MAP3K8: variants seen among roughly 807,000 people sequenced by gnomAD.
MAP3K8 encodes Ewing sarcoma transformant.
In MAP3K8, 22 loss-of-function variants were observed where a neutral mutation model predicts 45.8. That is an observed-to-expected ratio of 0.48 (90% CI 0.34 to 0.69). The LOEUF (loss-of-function observed/expected upper bound fraction) is 0.69. Among genes scored for constraint, MAP3K8 ranks in the 30% least tolerant of loss-of-function variants. MAP3K8 has a pLI of 0.01. For synonymous variants in MAP3K8, 223 were observed against 214.3 expected (o/e 1.04, Z -0.36); for missense variants, 419 against 585.0 (o/e 0.72, Z 2.93).
At chr10:30,446,886 C>A (rs1836359210) in intron 3 of MAP3K8, among the ~76,000 whole-genome samples, 1 of 151,902 alleles carries the variant, frequency 6.6e-6, no homozygotes, top group Admixed American at 6.6e-5. Flanking sequence ...CCTCTTAATT[C>A]TTGTTTTATT....
At chr10:30,456,263 T>C (rs1211195709) in intron 6 of MAP3K8, among the ~76,000 whole-genome samples, 1 of 152,264 alleles carries the variant, frequency 6.6e-6, no homozygotes, top group Non-Finnish European at 1.5e-5. Flanking sequence ...CAATACACTA[T>C]TGTTGACTAT....
At chr10:30,436,457 G>T (rs1287790220) in intron 1 of MAP3K8, among the ~76,000 whole-genome samples, 1 of 151,976 alleles carries the variant, frequency 6.6e-6, no homozygotes, top group Non-Finnish European at 1.5e-5. Flanking sequence ...CCACCTCCCG[G>T]GTCCTGCTTC....
intron 6 of MAP3K8, among the ~76,000 whole-genome samples, chr10:30,454,310 C>CA (rs1836659620): frequency 6.6e-6 from 1 of 152,088 alleles, no homozygotes; most frequent in African/African-American, 2.4e-5. Flanking sequence ...ATTGCAGCCA[C>CA]AAAAAAATTG....
chr10:30,441,504 T>C (rs937178253), intron 3 of MAP3K8, among the ~76,000 whole-genome samples: 2 of 152,178 alleles, frequency 1.3e-5, no homozygotes, highest in African/African-American at 4.8e-5. Flanking sequence ...GGCAGGGATC[T>C]TGAAAAACTT....
chr10:30,440,831 AAAATGAGT>A lies in MAP3K8; in HGVS notation c.336+1559_336+1566del, dbSNP rs147736015. On this transcript the variant is annotated intron_variant, in intron 3 of 8. Coordinates refer to ENST00000263056, the MANE Select transcript of MAP3K8 (RefSeq NM_005204.4). ...TTTTTAAAATCCTGCTCCTTCTATA[AAAATGAGT>A]ATTTTAAATGAAAATATGCAGAAAA... Among the ~76,000 whole-genome samples the A allele has an allele frequency of 3.5e-3, 532 of 152,336 alleles. 2 individuals are homozygous for A. The highest frequency in any genetic ancestry group is 0.014 in the Middle Eastern group (4 of 294).
chr10:30,459,148 C>T (rs1326111700), intron 7 of MAP3K8, 107 bp from the exon 8 acceptor site: 3 of 1,182,550 alleles, frequency 2.5e-6, no homozygotes, highest in East Asian at 4.7e-5. Flanking sequence ...CGTTGCAGGG[C>T]ATGTGGTGGA....
intron 3 of MAP3K8, among the ~76,000 whole-genome samples, chr10:30,445,687 A>G (rs911700259): frequency 6.6e-6 from 1 of 152,228 alleles, no homozygotes; most frequent in Non-Finnish European, 1.5e-5. Flanking sequence ...CATACAGGTT[A>G]TCTTTCAAAC....
At chr10:30,454,750 C>A (rs2489846) in intron 6 of MAP3K8, among the ~76,000 whole-genome samples, 128,578 of 149,812 alleles carry the variant, frequency 0.86, 55,058 homozygotes, top group East Asian at 0.94. Flanking sequence ...GGAAGCTGTA[C>A]TTTTTTTTTT....
chr10:30,443,102 T>TA (rs1433770377), intron 3 of MAP3K8, among the ~76,000 whole-genome samples: 1 of 152,094 alleles, frequency 6.6e-6, no homozygotes, highest in Non-Finnish European at 1.5e-5. Flanking sequence ...TATTGGCCAT[T>TA]AAAAAAAGTG....
At chr10:30,450,754 C>G (rs571979846) in intron 5 of MAP3K8, 1 of 507,914 alleles carries the variant, frequency 2.0e-6, no homozygotes, top group East Asian at 3.5e-5. Context: ...AGCTACATAC[C>G]TATTAGGTAC....
chr10:30,458,287 A>C, intron 7 of MAP3K8, 51 bp downstream of exon 7: 1 of 1,278,720 alleles, frequency 7.8e-7, no homozygotes, highest in East Asian at 2.8e-5. Context: ...GCGTTGAGTT[A>C]TGCATCCCGC....
chr10:30,447,827 C>G lies in MAP3K8; in HGVS notation c.382C>G (p.Leu128Val), dbSNP rs1462161246. 1 of 1,613,786 alleles carries G rather than the reference C, an allele frequency of 6.2e-7. No individual in the cohort carries two copies. The highest frequency in any genetic ancestry group is 8.5e-7 in the Non-Finnish European group (1 of 1,179,830). Reference protein sequence around the residue: ...NGRYQIDSDVLLIPWKLTYRN... With the variant: ...NGRYQIDSDVVLIPWKLTYRN... Reference sequence around the variant, plus strand: ...ACGTTACCAAATAGATTCCGATGTTCTCCTGATCCCCTGGAAGCTGACTTA... The same window carrying G: ...ACGTTACCAAATAGATTCCGATGTTGTCCTGATCCCCTGGAAGCTGACTTA... The change falls in exon 4 of 9, where the codon CTC (leucine) becomes GTC (valine). Residue 128 changes from leucine (L) to valine (V), a missense_variant. By Grantham distance (32) the Leu-to-Val change is conservative (BLOSUM62 1). Around this residue, in one of 3 missense-constraint regions of MAP3K8, gnomAD observed 209 missense variants for 367.3 expected, o/e 0.57. Coordinates refer to ENST00000263056, the MANE Select transcript of MAP3K8 (RefSeq NM_005204.4).
intron 3 of MAP3K8, among the ~76,000 whole-genome samples, chr10:30,444,189 TAAA>T (rs879650669): frequency 2.5e-4 from 35 of 137,586 alleles, no homozygotes; most frequent in Non-Finnish European, 3.8e-4. Flanking sequence ...GACCCTGTCT[TAAA>T]AAAAAAAAAA....
intron 4 of MAP3K8, among the ~76,000 whole-genome samples, chr10:30,449,876 T>C (rs1203485878): frequency 6.6e-6 from 1 of 152,144 alleles, no homozygotes; most frequent in Non-Finnish European, 1.5e-5. Context: ...TCATATTATC[T>C]CACAACCAAC....
intron 6 of MAP3K8, among the ~76,000 whole-genome samples, chr10:30,456,900 A>G (rs1319479531): frequency 3.3e-5 from 5 of 152,076 alleles, no homozygotes; most frequent in African/African-American, 1.2e-4. Context: ...CCTGGCCAAC[A>G]TGGTGAAACC....
Position 30,446,396 on chromosome 10 carries a change from G to A in MAP3K8, c.337-1386G>A, listed in dbSNP as rs11008052. 4.6e-3 allele frequency among the ~76,000 whole-genome samples: 703 copies of A among 152,112 alleles called. 5 individuals carry two copies. Among genetic ancestry groups the A allele is most frequent in the Non-Finnish European group, 6.9e-3 (469 of 68,002 alleles). On this transcript the variant is annotated intron_variant, in intron 3 of 8. Coordinates refer to ENST00000263056, the MANE Select transcript of MAP3K8 (RefSeq NM_005204.4). ...CTAAAAATACAAAATTTAGCCAGGC[G>A]TGGTGGTGCGTACCTATAATCCCAG...
intron 3 of MAP3K8, among the ~76,000 whole-genome samples, chr10:30,443,653 G>C (rs796455928): frequency 3.9e-5 from 6 of 152,212 alleles, no homozygotes; most frequent in Middle Eastern, 6.3e-3. Context: ...ATGCCTGCAT[G>C]AATATAGATC....
At chr10:30,458,275 G>GGGGGGGT in intron 7 of MAP3K8, 39 bp downstream of exon 7, 1 of 1,356,008 alleles carries the variant, frequency 7.4e-7, no homozygotes, top group East Asian at 2.8e-5. Flanking sequence ...CGGCGGGGGG[G>GGGGGGGT]GGCGTTGAGT....
At chr10:30,459,965 C>A (rs1387345221) in intron 8 of MAP3K8, among the ~76,000 whole-genome samples, 1 of 152,058 alleles carries the variant, frequency 6.6e-6, no homozygotes. Context: ...GCCTCAGCCT[C>A]CTGAGTAGCT....
Sources: gnomAD v4.1 joint callset for allele counts (sites outside exome capture counted in the v4.1 genomes callset) on GRCh38, gnomAD v4.1.1 for gene constraint, gnomAD v4.1.1 regional missense constraint, MANE v1.5 for transcripts, NCBI Gene and HGNC (gene_info 2026-07-23, HGNC 2026-07-21) for gene names.